The following SLC12A9 variants were observed in gnomAD, a reference collection of about 807,000 sequenced individuals.
SLC12A9 encodes the protein solute carrier family 12 member 9.
Under a neutral mutation model 66.0 loss-of-function variants are expected in SLC12A9, and 55 were observed. That is an observed-to-expected ratio of 0.83 (90% CI 0.67 to 1.04). The LOEUF is 1.04. SLC12A9 is among the 50% of genes least tolerant of loss of function. The pLI is 0.00. For synonymous variants in SLC12A9, 577 were observed against 569.0 expected (o/e 1.01, Z -0.20); for missense variants, 1,061 against 1,241.9 (o/e 0.85, Z 2.19).
In SLC12A9 at chr7:100,861,773, G is replaced by C; in HGVS notation, c.1573G>C (p.Asp525His). The change falls in exon 12 of 14, where the codon GAT becomes CAT. Residue 525 changes from aspartate (D) to histidine (H), a missense_variant. Physicochemically the swap from Asp to His is moderately conservative, Grantham distance 81. Transcript: ENST00000354161. The surrounding 1 kb of genome is among the most constrained non-coding windows in gnomAD (Gnocchi z 5.3). The part of the protein sequence containing the change: ...KYLLRLDVRK[D>H]HVKFWRPQLL... The stretch of plus-strand genomic sequence containing the variant: ...TCTGCTTCGGCTGGACGTCCGGAAG[G>C]ATCACGTGAAGTTCTGGCGGCCCCA... The C allele has an allele frequency of 6.2e-7, 1 of 1,614,150 alleles. No homozygotes were observed.
upstream of SLC12A9, among the ~76,000 whole-genome samples, chr7:100,848,257 C>A (rs967729305): frequency 1.3e-5 from 2 of 151,872 alleles, no homozygotes; most frequent in African/African-American, 4.8e-5. Flanking sequence ...GTAATCCCAG[C>A]ATTTTGGGAG....
upstream of SLC12A9, among the ~76,000 whole-genome samples, chr7:100,849,884 T>G (rs188884281): frequency 6.6e-6 from 1 of 151,954 alleles, no homozygotes; most frequent in African/African-American, 2.4e-5. Flanking sequence ...TTCCCTTTTT[T>G]TTTTTTGAGT....
chr7:100,829,458 T>C (rs1322867484), intron 1 of SLC12A9, among the ~76,000 whole-genome samples: 3 of 151,912 alleles, frequency 2.0e-5, no homozygotes, highest in Non-Finnish European at 4.4e-5. Flanking sequence ...CTGCAAGAGG[T>C]GTTCCCCACA....
At chr7:100,827,086 C>T (rs961958871) in intron 1 of SLC12A9, 1 of 1,537,032 alleles carries the variant, frequency 6.5e-7, no homozygotes, top group African/African-American at 1.4e-5. Flanking sequence ...CTCGCCCCCC[C>T]AGGTCTGACT....
chr7:100,833,196 A>G (rs997890487), intron 1 of SLC12A9, among the ~76,000 whole-genome samples: 2 of 152,006 alleles, frequency 1.3e-5, no homozygotes, highest in Non-Finnish European at 2.9e-5. Flanking sequence ...AAAAAGTTGA[A>G]AAAAAGGCTG....
chr7:100,859,071 G>A lies in SLC12A9; in HGVS notation c.887G>A (p.Arg296Gln), dbSNP rs747322913. Reference sequence around the variant, plus strand: ...CCAGGGGAGCTGAAGGACCCCAGCCGGGCGATCCCTCTGGGCACGATCGTC... The same window carrying A: ...CCAGGGGAGCTGAAGGACCCCAGCCAGGCGATCCCTCTGGGCACGATCGTC... ...NMSGELKDPS[R>Q]AIPLGTIVAV... The change falls in exon 7 of 14, where the codon CGG (arginine) becomes CAG (glutamine). Residue 296 changes from arginine to glutamine, a missense_variant. Arg to Gln is a conservative substitution (Grantham distance 43). Coordinates refer to ENST00000354161, the MANE Select transcript of SLC12A9 (RefSeq NM_020246.4). The A allele has an allele frequency of 3.2e-5, 51 of 1,613,574 alleles. No homozygotes were observed. The highest frequency in any genetic ancestry group is 3.8e-5 in the Non-Finnish European group (45 of 1,180,012).
chr7:100,860,168 C>T lies in SLC12A9; in HGVS notation c.1154C>T (p.Ala385Val). The T allele has an allele frequency of 1.2e-6, 2 of 1,614,204 alleles. No homozygotes were observed. Among genetic ancestry groups the T allele is most frequent in the East Asian group, 2.2e-5 (1 of 44,886 alleles). The part of the protein sequence containing the change: ...DDLFGVILAP[A>V]KVVSRGGNPW... ...TTTCTAGGCGTGATCTTGGCACCGGCCAAGGTTGTGTCCCGAGGGGGAAAC... is the reference window on the plus strand; with the variant it reads ...TTTCTAGGCGTGATCTTGGCACCGGTCAAGGTTGTGTCCCGAGGGGGAAAC... The change falls in exon 9 of 14, where the codon GCC becomes GTC. Residue 385 changes from alanine to valine, a missense_variant. Transcript: ENST00000354161.
chr7:100,847,418 T>C (rs1373353195), intron 1 of SLC12A9, among the ~76,000 whole-genome samples: 1 of 152,148 alleles, frequency 6.6e-6, no homozygotes, highest in Non-Finnish European at 1.5e-5. Flanking sequence ...GAGAAAGGCA[T>C]GTCATTGGAG....
At chr7:100,853,280 AT>A (rs2116575755) in intron 1 of SLC12A9, 1 of 151,996 alleles carries the variant, frequency 6.6e-6, no homozygotes, top group African/African-American at 2.4e-5. Context: ...CTTTTGGGAG[AT>A]TTGGTTCCTC....
At chr7:100,857,317 A>C (rs1447713826) in intron 5 of SLC12A9, 141 bp downstream of exon 5, 2 of 947,826 alleles carry the variant, frequency 2.1e-6, no homozygotes, top group Non-Finnish European at 3.1e-6. Context: ...AGTGCAATTT[A>C]ATTCAAGCCT....
rs536168047 is a variant in SLC12A9, at chr7:100,864,671, C to T, written c.1859-1048C>T. On this transcript the variant is annotated intron_variant, in intron 13 of 13. Transcript: ENST00000354161. Reference sequence around the variant, plus strand: ...TGTGGCCTCTCACGCTGGATGGAGGCGGATTGCGTTGACCTACCTGCCCCA... The same window carrying T: ...TGTGGCCTCTCACGCTGGATGGAGGTGGATTGCGTTGACCTACCTGCCCCA... 3.5e-4 allele frequency among the ~76,000 whole-genome samples: 54 copies of T among 152,264 alleles called. 1 individual carries two copies. The South Asian group carries it at 0.011, about 30-fold the overall frequency.
At chr7:100,836,484 C>T (rs746671649) in intron 1 of SLC12A9, among the ~76,000 whole-genome samples, 25 of 152,148 alleles carry the variant, frequency 1.6e-4, no homozygotes, top group Admixed American at 4.6e-4. Context: ...ACCCACCCCC[C>T]GCTCCATTCC....
chr7:100,865,468 A>G (rs1211783895), intron 13 of SLC12A9: 1 of 1,534,014 alleles, frequency 6.5e-7, no homozygotes, highest in Admixed American at 2.0e-5. Context: ...CAAGAATCCT[A>G]AGGCGAACTT....
intron 1 of SLC12A9, among the ~76,000 whole-genome samples, chr7:100,832,340 T>C (rs1160952457): frequency 6.6e-6 from 1 of 152,086 alleles, no homozygotes; most frequent in Non-Finnish European, 1.5e-5. Flanking sequence ...CCCCTGTCTC[T>C]ACCAGAAAAT....
At chr7:100,847,011 A>G (rs879297481) in intron 1 of SLC12A9, among the ~76,000 whole-genome samples, 13 of 152,056 alleles carry the variant, frequency 8.5e-5, no homozygotes, top group Middle Eastern at 3.2e-3. Flanking sequence ...CAATCGATCA[A>G]GACCCTCTCT....
exon 1 of SLC12A9, chr7:100,826,959 C>CT: frequency 6.5e-7 from 1 of 1,536,542 alleles, no homozygotes; most frequent in Non-Finnish European, 8.8e-7. Context: ...GGGTGCGCCC[C>CT]CCCCCGCAAG....
intron 1 of SLC12A9, among the ~76,000 whole-genome samples, chr7:100,853,665 G>A (rs551469360): frequency 1.3e-5 from 2 of 151,208 alleles, no homozygotes; most frequent in East Asian, 1.9e-4. Flanking sequence ...GGACTCAAGC[G>A]ATTCTCGTGT....
intron 1 of SLC12A9, chr7:100,837,579 C>T (rs1416654116): frequency 6.6e-6 from 1 of 152,252 alleles, no homozygotes; most frequent in African/African-American, 2.4e-5. Flanking sequence ...CCGGAGGATT[C>T]CTGCAGCCAC....
chr7:100,863,727 G>A lies in SLC12A9; in HGVS notation c.1858+900G>A, dbSNP rs1217576332. ...CGCTGAGGCCACCAGGGTTATCTATGCTCAGTCACTGCCTTTTCCCTTAAT... is the reference window on the plus strand; with the variant it reads ...CGCTGAGGCCACCAGGGTTATCTATACTCAGTCACTGCCTTTTCCCTTAAT... On this transcript the variant is annotated intron_variant, in intron 13 of 13. Transcript: ENST00000354161. 3.9e-5 allele frequency among the ~76,000 whole-genome samples: 6 copies of A among 152,344 alleles called. No individual in the cohort carries two copies. The East Asian group carries it at 1.2e-3, about 29-fold the overall frequency.
Sources: allele counts gnomAD v4.1 joint callset (sites outside exome capture counted in the v4.1 genomes callset), GRCh38; gene constraint gnomAD v4.1.1; non-coding constraint Gnocchi (gnomAD v3.1); transcripts MANE v1.5; gene names NCBI Gene and HGNC (gene_info 2026-07-23, HGNC 2026-07-21).